The following CDC14A variants were observed in gnomAD, a reference collection of about 807,000 sequenced individuals.
CDC14A encodes dual specificity protein phosphatase CDC14A.
A neutral mutation model predicts 74.4 loss-of-function variants in CDC14A; 53 were observed. The observed-to-expected ratio is 0.71, with a 90% CI of 0.57 to 0.89. CDC14A has a LOEUF of 0.89. CDC14A is among the 40% of genes least tolerant of loss of function. CDC14A has a pLI of 0.00. For missense variants in CDC14A, 646 were observed against 713.7 expected (o/e 0.91, Z 1.08); for synonymous variants, 247 against 258.4 (o/e 0.96, Z 0.43).
In CDC14A at chr1:100,508,359, T is replaced by C. The variant is rs1571361994; in HGVS notation, c.1755+9097T>C. 6.6e-6 allele frequency among the ~76,000 whole-genome samples: 1 copy of C among 152,138 alleles called. No homozygotes were observed. The highest frequency in any genetic ancestry group is 2.1e-4 in the South Asian group (1 of 4,830). On this transcript the variant is annotated intron_variant, in intron 15 of 15. Transcript: ENST00000336454. The surrounding 1 kb of genome is among the most constrained non-coding windows in gnomAD (Gnocchi z 4.4). ...GTGATAAGCCATTTTGATATTGCTTTGCTATTTGCATTTCATCCTGTGAGA... is the reference window on the plus strand; with the variant it reads ...GTGATAAGCCATTTTGATATTGCTTCGCTATTTGCATTTCATCCTGTGAGA...
At chr1:100,498,807 T>TGATC (rs1387616452) in intron 14 of CDC14A, 122 bp from the exon 15 acceptor site, 3 of 1,341,210 alleles carry the variant, frequency 2.2e-6, no homozygotes, top group Non-Finnish European at 3.0e-6. Context: ...TCATTCACAT[T>TGATC]GATCAGATTC....
At position 100,346,034 on chromosome 1, in the gene CDC14A, G is replaced by A. The variant is rs373256812; in HGVS notation, c.-126+851G>A. Among the ~76,000 whole-genome samples, 739 of 152,186 alleles carry A rather than the reference G, an allele frequency of 4.9e-3. 7 individuals are homozygous for A. Among genetic ancestry groups the A allele is most frequent in the African/African-American group, 0.017 (709 of 41,508 alleles). ...AAAAATACAAAAATTCACTGGGTGT[G>A]GGGGTGGGCACCTGTAATCCCAGCT... On this transcript the variant is annotated intron_variant, in intron 1 of 14. Transcript: ENST00000635056.
In CDC14A at chr1:100,353,827, A is replaced by G. The variant is rs1651484273; in HGVS notation, c.115A>G (p.Ile39Val). 1 of 1,606,244 alleles carries G rather than the reference A, an allele frequency of 6.2e-7. No homozygotes were observed. The highest frequency in any genetic ancestry group is 1.3e-5 in the African/African-American group (1 of 74,694). Residue 39 changes from isoleucine (I) to valine (V), a missense_variant, in exon 2 of 16, where the codon ATC becomes GTC. Coordinates refer to ENST00000336454, the MANE Select transcript of CDC14A (RefSeq NM_003672.4). ...KSTVNTHYFS[I>V]DEELVYENFY... ...CACAGTAAATACCCACTATTTCTCC[A>G]TCGATGAGGAGCTGGTCTATGAAAA...
At chr1:100,399,927 T>G (rs1659042213) in intron 4 of CDC14A, among the ~76,000 whole-genome samples, 1 of 152,156 alleles carries the variant, frequency 6.6e-6, no homozygotes, top group Non-Finnish European at 1.5e-5. Context: ...CTAGAAATCA[T>G]GCCCATCAGT....
At chr1:100,435,823 TAAAAAAAAA>T (rs10545372) in intron 5 of CDC14A, among the ~76,000 whole-genome samples, 2 of 97,958 alleles carry the variant, frequency 2.0e-5, no homozygotes, top group Admixed American at 1.1e-4. Flanking sequence ...AGACTTCGTC[TAAAAAAAAA>T]AAAAAAAAAA....
At chr1:100,430,389 G>A (rs1663512468) in intron 5 of CDC14A, among the ~76,000 whole-genome samples, 1 of 152,194 alleles carries the variant, frequency 6.6e-6, no homozygotes, top group East Asian at 1.9e-4. Flanking sequence ...CATAATGTTT[G>A]TGTTGAGGGA....
chr1:100,352,400 G>C (rs1009762498), upstream of CDC14A: 1 of 941,628 alleles, frequency 1.1e-6, no homozygotes, highest in African/African-American at 1.8e-5. Context: ...AGTCGTGAAA[G>C]TGGAGGGGGC....
chr1:100,506,180 T>C (rs1649221012), intron 15 of CDC14A, among the ~76,000 whole-genome samples: 1 of 152,178 alleles, frequency 6.6e-6, no homozygotes, highest in South Asian at 2.1e-4. Flanking sequence ...TATTAATTCA[T>C]ATTAATATTG....
chr1:100,426,068 T>A (rs1662927682), intron 5 of CDC14A, among the ~76,000 whole-genome samples: 1 of 152,098 alleles, frequency 6.6e-6, no homozygotes, highest in South Asian at 2.1e-4. Context: ...CAATGTTTGG[T>A]TTTTGTTTTT....
At chr1:100,430,352 T>C (rs1246693192) in intron 5 of CDC14A, among the ~76,000 whole-genome samples, 2 of 152,210 alleles carry the variant, frequency 1.3e-5, no homozygotes, top group African/African-American at 4.8e-5. Flanking sequence ...GGCAATCCTT[T>C]TATGACATCT....
At chr1:100,388,566 G>T (rs1657194302) in intron 3 of CDC14A, among the ~76,000 whole-genome samples, 2 of 152,136 alleles carry the variant, frequency 1.3e-5, no homozygotes, top group Admixed American at 1.3e-4. Context: ...TTGGCAATAA[G>T]ATACTTTCTT....
chr1:100,510,688 A>T (rs768471793), intron 15 of CDC14A, among the ~76,000 whole-genome samples: 10 of 152,158 alleles, frequency 6.6e-5, no homozygotes, highest in Non-Finnish European at 1.2e-4. Context: ...CAATTCAACC[A>T]TCTGTTGTAT....
At chr1:100,494,742 C>A in intron 11 of CDC14A, 76 bp from the exon 12 acceptor site, 2 of 691,976 alleles carry the variant, frequency 2.9e-6, no homozygotes, top group Non-Finnish European at 5.2e-6. Context: ...TAAAATGTAT[C>A]TATATATGTA....
intron 4 of CDC14A, among the ~76,000 whole-genome samples, chr1:100,398,861 G>A (rs188299374): frequency 6.6e-6 from 1 of 152,188 alleles, no homozygotes; most frequent in East Asian, 1.9e-4. Context: ...GAGAGGGGAG[G>A]TTCCAAGATG....
intron 10 of CDC14A, among the ~76,000 whole-genome samples, chr1:100,468,730 A>G (rs1017121719): frequency 6.6e-6 from 1 of 152,176 alleles, no homozygotes; most frequent in Non-Finnish European, 1.5e-5. Context: ...GAGAGATTTA[A>G]CCTGTAGGAC....
At chr1:100,482,564 T>G (rs1387032855) in intron 10 of CDC14A, among the ~76,000 whole-genome samples, 2 of 152,144 alleles carry the variant, frequency 1.3e-5, no homozygotes. Flanking sequence ...CAAATCCTGA[T>G]CATAGGGTTT....
At chr1:100,480,642 A>G (rs1353719597) in intron 10 of CDC14A, among the ~76,000 whole-genome samples, 1 of 152,170 alleles carries the variant, frequency 6.6e-6, no homozygotes, top group East Asian at 1.9e-4. Flanking sequence ...GTTTCTCTGT[A>G]TCCTTACCAT....
intron 10 of CDC14A, among the ~76,000 whole-genome samples, chr1:100,472,997 G>T (rs1668536150): frequency 6.8e-6 from 1 of 146,820 alleles, no homozygotes. Flanking sequence ...TTGGAAGAGT[G>T]ATTCCTTCCA....
intron 15 of CDC14A, among the ~76,000 whole-genome samples, chr1:100,504,587 A>G (rs1209604997): frequency 6.6e-6 from 1 of 152,228 alleles, no homozygotes; most frequent in African/African-American, 2.4e-5. Context: ...GCATTTGGAT[A>G]GTGAGCTGCA....
Sources: gnomAD v4.1 joint callset for allele counts (sites outside exome capture counted in the v4.1 genomes callset) on GRCh38, gnomAD v4.1.1 for gene constraint, Gnocchi (gnomAD v3.1) non-coding constraint, MANE v1.5 for transcripts, NCBI Gene and HGNC (gene_info 2026-07-23, HGNC 2026-07-21) for gene names.